MICU3: variants seen among roughly 807,000 people sequenced by gnomAD.
The protein encoded by MICU3 is calcium uptake protein 3, mitochondrial.
Under a neutral mutation model 66.5 loss-of-function variants are expected in MICU3, and 62 were observed. That is an observed-to-expected ratio of 0.93 (90% CI 0.76 to 1.15). MICU3 has a LOEUF of 1.15. Ranked by LOEUF, MICU3 falls within the 50% of genes most tolerant of loss-of-function variation. The pLI is 0.00. For synonymous variants in MICU3, 308 were observed against 240.7 expected (o/e 1.28, Z -2.59); for missense variants, 779 against 664.4 (o/e 1.17, Z -1.90).
chr8:17,033,285 G>A (rs755922991), intron 1 of MICU3, among the ~76,000 whole-genome samples: 37 of 152,178 alleles, frequency 2.4e-4, no homozygotes, highest in Non-Finnish European at 4.3e-4. Context: ...GTTTTTGAAG[G>A]AAATTAAAAG....
intron 3 of MICU3, among the ~76,000 whole-genome samples, chr8:17,070,096 A>C (rs1053999536): frequency 1.3e-5 from 2 of 151,876 alleles, no homozygotes; most frequent in Non-Finnish European, 2.9e-5. Flanking sequence ...ACTTGAATAG[A>C]CTCTGTGATC....
rs201654618 is a variant in MICU3, at chr8:17,064,151, G to A, written c.449G>A (p.Arg150His). 72 of 1,613,138 alleles carry A rather than the reference G, an allele frequency of 4.5e-5. 1 individual carries two copies. The East Asian group carries it at 8.0e-4, about 18-fold the overall frequency. The change falls in exon 2 of 15, where the codon CGT becomes CAT. Residue 150 changes from arginine to histidine, a missense_variant. Physicochemically the swap from Arg to His is conservative, Grantham distance 29. Coordinates refer to ENST00000318063, the MANE Select transcript of MICU3 (RefSeq NM_181723.3). The part of the protein sequence containing the change: ...LYATSRERRF[R>H]LFASIECEGQ... Reference sequence around the variant, plus strand: ...GCCACATCTCGGGAGAGGCGATTTCGTTTATTTGCTTCTATAGAATGTGAA... The same window carrying A: ...GCCACATCTCGGGAGAGGCGATTTCATTTATTTGCTTCTATAGAATGTGAA...
At chr8:17,061,057 A>G (rs1161094694) in intron 1 of MICU3, among the ~76,000 whole-genome samples, 2 of 152,168 alleles carry the variant, frequency 1.3e-5, no homozygotes, top group East Asian at 1.9e-4. Flanking sequence ...GTAGTTCTGC[A>G]TGTTTTCTCT....
intron 1 of MICU3, among the ~76,000 whole-genome samples, chr8:17,038,640 T>A (rs940476364): frequency 7.2e-5 from 11 of 152,288 alleles, no homozygotes; most frequent in Admixed American, 2.6e-4. Flanking sequence ...AGAGAAATTT[T>A]TTTTTCACAA....
intron 4 of MICU3, among the ~76,000 whole-genome samples, chr8:17,079,433 TA>T (rs1276923557): frequency 1.3e-5 from 2 of 152,158 alleles, no homozygotes; most frequent in Admixed American, 1.3e-4. Context: ...TTAGGTAAAA[TA>T]GAGAAGTTAG....
At chr8:17,124,469 G>T (rs1242379402), downstream of MICU3, among the ~76,000 whole-genome samples, 1 of 151,978 alleles carries the variant, frequency 6.6e-6, no homozygotes, top group Non-Finnish European at 1.5e-5. Flanking sequence ...GTTTTGTTAT[G>T]TTAGAAATGC....
intron 11 of MICU3, among the ~76,000 whole-genome samples, chr8:17,111,910 G>T (rs915185485): frequency 5.9e-5 from 9 of 152,180 alleles, no homozygotes; most frequent in African/African-American, 2.2e-4. Context: ...GGAGGCCTGA[G>T]AAAACTTACA....
chr8:17,077,583 T>C (rs968364698), intron 3 of MICU3, among the ~76,000 whole-genome samples, 200 bp from the exon 4 acceptor site: 1 of 152,186 alleles, frequency 6.6e-6, no homozygotes, highest in African/African-American at 2.4e-5. Context: ...TGTAGCCTCT[T>C]CATCATTTAT....
At chr8:17,130,004 T>A in the MICU3 span, among the ~76,000 whole-genome samples, 2 of 152,130 alleles carry the variant, frequency 1.3e-5, no homozygotes, top group African/African-American at 4.8e-5. Context: ...GAATAGTATA[T>A]TCAGTAAAAT....
chr8:17,119,040 G>A (rs1802965198), intron 14 of MICU3, among the ~76,000 whole-genome samples: 2 of 152,024 alleles, frequency 1.3e-5, no homozygotes, highest in African/African-American at 4.8e-5. Context: ...TGTTTTTTAG[G>A]ATCATGATTC....
chr8:17,105,632 G>T (rs376658792), intron 11 of MICU3, 48 bp downstream of exon 11: 2 of 1,174,084 alleles, frequency 1.7e-6, no homozygotes, highest in Admixed American at 2.8e-5. Flanking sequence ...TTTGCAATAC[G>T]TGCCTCTAAA....
intron 2 of MICU3, among the ~76,000 whole-genome samples, chr8:17,068,451 C>T (rs1040346362): frequency 3.3e-5 from 5 of 152,110 alleles, no homozygotes; most frequent in Non-Finnish European, 7.4e-5. Flanking sequence ...TATTTTTCTT[C>T]TTTCCTTACT....
At chr8:17,081,013 A>T (rs935514893) in intron 4 of MICU3, among the ~76,000 whole-genome samples, 2 of 152,146 alleles carry the variant, frequency 1.3e-5, no homozygotes, top group Admixed American at 1.3e-4. Flanking sequence ...CAAAAGCAAG[A>T]ATTCAAGTAA....
chr8:17,058,489 T>G (rs966744467), intron 1 of MICU3, among the ~76,000 whole-genome samples: 2 of 152,204 alleles, frequency 1.3e-5, no homozygotes, highest in Non-Finnish European at 2.9e-5. Flanking sequence ...CACAAGAGGT[T>G]TAGTAAACTG....
intron 1 of MICU3, among the ~76,000 whole-genome samples, chr8:17,035,037 A>C (rs1214702277): frequency 1.3e-5 from 2 of 152,180 alleles, no homozygotes; most frequent in African/African-American, 2.4e-5. Flanking sequence ...CGCTGTCATC[A>C]TGATAGTGAA....
intron 5 of MICU3, among the ~76,000 whole-genome samples, chr8:17,083,331 G>A (rs1390318750): frequency 1.3e-5 from 2 of 152,058 alleles, no homozygotes; most frequent in Non-Finnish European, 2.9e-5. Context: ...AGCAATTTAG[G>A]GAGGGTCAGA....
At chr8:17,115,794 GAGTTT>G (rs751555011) in intron 12 of MICU3, among the ~76,000 whole-genome samples, 186 of 152,106 alleles carry the variant, frequency 1.2e-3, no homozygotes, top group Non-Finnish European at 6.3e-4. Flanking sequence ...TCCCTGTGCA[GAGTTT>G]CTTGAGATCC....
the MICU3 span, among the ~76,000 whole-genome samples, chr8:17,136,837 CTT>C: frequency 7.8e-5 from 11 of 140,284 alleles, no homozygotes; most frequent in Non-Finnish European, 7.8e-5. Context: ...GGAGATAAAC[CTT>C]TTTTTTTTTT....
At chr8:17,095,958 C>T (rs964967299) in intron 8 of MICU3, among the ~76,000 whole-genome samples, 3 of 152,102 alleles carry the variant, frequency 2.0e-5, no homozygotes, top group Admixed American at 6.6e-5. Flanking sequence ...ATGTGTCACA[C>T]TTACAGGGCA....
Sources: gnomAD v4.1 joint callset for allele counts (sites outside exome capture counted in the v4.1 genomes callset) on GRCh38, gnomAD v4.1.1 for gene constraint, MANE v1.5 for transcripts, NCBI Gene and HGNC (gene_info 2026-07-23, HGNC 2026-07-21) for gene names.